Variants in ZNF407 observed in about 807,000 individuals in gnomAD.
The protein encoded by ZNF407 is zinc finger protein 407.
Under a neutral mutation model 131.2 loss-of-function variants are expected in ZNF407, and 17 were observed. The ratio of observed to expected loss-of-function variants is 0.13; its 90% confidence interval spans 0.09 to 0.19. The LOEUF is 0.19. Among genes scored for constraint, ZNF407 ranks in the 10% least tolerant of loss-of-function variants. The probability of loss-of-function intolerance (pLI) is 1.00; values close to 1 mark genes in which losing one functional copy is unlikely to be tolerated. For synonymous variants in ZNF407, 1,156 were observed against 1,062.0 expected, an observed-to-expected ratio of 1.09 and a Z score of -1.72; for missense variants, 2,681 against 2,830.6, an observed-to-expected ratio of 0.95 and a Z score of 1.20.
chr18:74,679,431 A>T (rs985834491), intron 3 of ZNF407, among the ~76,000 whole-genome samples: 1 of 152,168 alleles, frequency 6.6e-6, no homozygotes, highest in African/African-American at 2.4e-5. Flanking sequence ...GTGAAGTCTG[A>T]TTCTCATTTG....
chr18:74,728,050 A>G (rs1162116045), intron 3 of ZNF407, among the ~76,000 whole-genome samples: 1 of 152,062 alleles, frequency 6.6e-6, no homozygotes, highest in Non-Finnish European at 1.5e-5. Flanking sequence ...AGATGTGGTT[A>G]TTCATAGTTG....
At chr18:74,743,363 C>CTGTG (rs141590708) in intron 3 of ZNF407, among the ~76,000 whole-genome samples, 20 of 150,542 alleles carry the variant, frequency 1.3e-4, no homozygotes, top group Admixed American at 9.3e-4. Context: ...CTTGTCAGAT[C>CTGTG]TGTGTGTGTG....
chr18:74,682,124 C>T (rs975165781), intron 3 of ZNF407, among the ~76,000 whole-genome samples: 8 of 152,292 alleles, frequency 5.3e-5, no homozygotes, highest in Non-Finnish European at 1.0e-4. Flanking sequence ...GGGATGGCAA[C>T]ATTAATGTTT....
intron 3 of ZNF407, among the ~76,000 whole-genome samples, chr18:74,737,589 G>A (rs1968447499): frequency 6.6e-6 from 1 of 152,178 alleles, no homozygotes; most frequent in African/African-American, 2.4e-5. Flanking sequence ...GACCATGAGT[G>A]TGTGTGCAGT....
At chr18:75,051,314 T>C (rs1293327012) in intron 8 of ZNF407, among the ~76,000 whole-genome samples, 1 of 152,224 alleles carries the variant, frequency 6.6e-6, no homozygotes, top group Admixed American at 6.5e-5. Context: ...TAATAGATGG[T>C]AAATGTGACA....
Position 74,877,326 on chromosome 18 carries a change from A to G in ZNF407, c.5007A>G (p.Thr1669=), listed in dbSNP as rs748460095. The change falls in exon 5 of 9, where the codon ACA becomes ACG. Residue 1669 remains threonine, a synonymous_variant. Coordinates refer to ENST00000299687, the MANE Select transcript of ZNF407 (RefSeq NM_017757.3). ...CCACGTGCCATTACTCATTCCTCAC[A>G]GCCTCCGCAATGAAAGACCACTACA... ...TWPTCHYSFL[T]ASAMKDHYRT... 3.7e-5 allele frequency: 60 copies of G among 1,613,748 alleles called. 2 individuals carry two copies. In the South Asian group the frequency reaches 6.4e-4, roughly 17 times the overall value.
chr18:74,908,027 G>A (rs1208140488), intron 7 of ZNF407, among the ~76,000 whole-genome samples: 1 of 151,874 alleles, frequency 6.6e-6, no homozygotes, highest in Non-Finnish European at 1.5e-5. Context: ...ATTATGAATT[G>A]CTTATTCATA....
rs1398687087 is a variant in ZNF407, at chr18:75,065,560, C to A, written c.*1092C>A. 2 of 152,236 alleles carry A rather than the reference C, an allele frequency of 1.3e-5. No individual in the cohort carries two copies. Among genetic ancestry groups the A allele is most frequent in the Non-Finnish European group, 2.9e-5 (2 of 68,046 alleles). 9.4% of individuals were successfully genotyped at this position (152,236 alleles called of 1,614,324 possible). A position where few individuals can be genotyped will look rare whatever the true frequency, so the allele number is the denominator to read the frequency against. On this transcript the variant is annotated 3_prime_UTR_variant, in exon 9 of 9. Transcript: ENST00000299687. ...TGTCATAATCATTTGTTTCCTGATA[C>A]AATTGTTCTTATTCTTTTCCAAAAC...
intron 8 of ZNF407, among the ~76,000 whole-genome samples, chr18:74,929,168 C>T (rs1441090231): frequency 1.3e-5 from 2 of 151,948 alleles, no homozygotes; most frequent in Admixed American, 1.3e-4. Context: ...AACTTTTTTC[C>T]AGAAAAAAAC....
At chr18:74,761,942 T>A (rs920608107) in intron 3 of ZNF407, among the ~76,000 whole-genome samples, 6 of 152,176 alleles carry the variant, frequency 3.9e-5, no homozygotes, top group Non-Finnish European at 8.8e-5. Context: ...TTCAAATTGC[T>A]AGTATTTGTA....
At chr18:74,977,500 A>G (rs1464579830) in intron 8 of ZNF407, among the ~76,000 whole-genome samples, 1 of 152,256 alleles carries the variant, frequency 6.6e-6, no homozygotes, top group Non-Finnish European at 1.5e-5. Flanking sequence ...ACGTTTTCAC[A>G]TCAAAGATGG....
intron 4 of ZNF407, among the ~76,000 whole-genome samples, chr18:74,790,096 GTTAGA>G (rs907664643): frequency 4.3e-4 from 65 of 152,168 alleles, no homozygotes; most frequent in African/African-American, 1.4e-3. Context: ...TTAATATATG[GTTAGA>G]TTAGAACTAC....
At chr18:74,930,344 T>A (rs1258897798) in intron 8 of ZNF407, among the ~76,000 whole-genome samples, 1 of 152,334 alleles carries the variant, frequency 6.6e-6, no homozygotes, top group East Asian at 1.9e-4. Flanking sequence ...GCCTGGCCCA[T>A]GGAGTGAGGT....
At chr18:75,012,870 C>G (rs1972996635) in intron 8 of ZNF407, among the ~76,000 whole-genome samples, 1 of 151,042 alleles carries the variant, frequency 6.6e-6, no homozygotes, top group African/African-American at 2.4e-5. Flanking sequence ...CTACTGGCTC[C>G]TTAGAGAGGT....
chr18:74,891,199 T>A (rs1393208012), intron 7 of ZNF407, among the ~76,000 whole-genome samples: 1 of 152,176 alleles, frequency 6.6e-6, no homozygotes, highest in African/African-American at 2.4e-5. Flanking sequence ...GGACCCCATG[T>A]GATGGTCTGT....
intron 7 of ZNF407, among the ~76,000 whole-genome samples, chr18:74,918,691 C>G (rs1971805884): frequency 6.6e-6 from 1 of 152,046 alleles, no homozygotes; most frequent in African/African-American, 2.4e-5. Context: ...GGGAAAATAT[C>G]TGTTGTTCTA....
At chr18:74,777,611 T>C (rs1041407957) in intron 3 of ZNF407, among the ~76,000 whole-genome samples, 5 of 152,220 alleles carry the variant, frequency 3.3e-5, no homozygotes, top group African/African-American at 1.2e-4. Context: ...CATATAGAAA[T>C]TTGGTTAGCT....
intron 6 of ZNF407, among the ~76,000 whole-genome samples, chr18:74,882,456 T>C (rs1447263580): frequency 6.6e-6 from 1 of 152,204 alleles, no homozygotes; most frequent in African/African-American, 2.4e-5. Flanking sequence ...AAATGTGTGA[T>C]TTATGTTACA....
intron 8 of ZNF407, among the ~76,000 whole-genome samples, chr18:74,984,416 T>G (rs904311196): frequency 6.6e-6 from 1 of 152,240 alleles, no homozygotes; most frequent in African/African-American, 2.4e-5. Flanking sequence ...AGTTTAATTT[T>G]TATTATGTTT....
Sources: gnomAD v4.1 joint callset for allele counts (sites outside exome capture counted in the v4.1 genomes callset) on GRCh38, gnomAD v4.1.1 for gene constraint, MANE v1.5 for transcripts, NCBI Gene and HGNC (gene_info 2026-07-23, HGNC 2026-07-21) for gene names.